SH3RF3: variants seen among roughly 807,000 people sequenced by gnomAD.
SH3RF3 encodes the protein SH3 domain containing ring finger 3.
A neutral mutation model predicts 66.3 loss-of-function variants in SH3RF3; 29 were observed. The ratio of observed to expected loss-of-function variants is 0.44; its 90% CI spans 0.33 to 0.60. SH3RF3 has a LOEUF of 0.60. Ranked by LOEUF, SH3RF3 falls within the 20% of genes least tolerant of loss-of-function variation. SH3RF3 has a pLI of 0.04. For synonymous variants in SH3RF3, 583 were observed against 532.0 expected (o/e 1.10, Z -1.32); for missense variants, 1,194 against 1,190.9 (o/e 1.00, Z -0.04).
chr2:109,180,705 C>T (rs1263404132), intron 1 of SH3RF3, among the ~76,000 whole-genome samples: 1 of 152,208 alleles, frequency 6.6e-6, no homozygotes, highest in Non-Finnish European at 1.5e-5. Flanking sequence ...CTCCTCCTTT[C>T]CTTCCACCAC....
At chr2:109,236,128 A>G (rs1374591027) in intron 1 of SH3RF3, among the ~76,000 whole-genome samples, 1 of 152,196 alleles carries the variant, frequency 6.6e-6, no homozygotes, top group East Asian at 1.9e-4. Flanking sequence ...TCCAAGATCA[A>G]TAGTTTATTT....
chr2:109,304,027 G>A (rs189641970), intron 1 of SH3RF3, among the ~76,000 whole-genome samples: 174 of 151,900 alleles, frequency 1.1e-3, no homozygotes, highest in Non-Finnish European at 1.6e-3. Flanking sequence ...CTTGAACCTG[G>A]AAAGCAGAGG....
intron 1 of SH3RF3, among the ~76,000 whole-genome samples, chr2:109,216,763 A>AT (rs1461803059): frequency 6.6e-6 from 1 of 152,338 alleles, no homozygotes; most frequent in East Asian, 1.9e-4. Flanking sequence ...ATACAAATAT[A>AT]TTTTTTTAAA....
chr2:109,182,373 G>A (rs963668715), intron 1 of SH3RF3, among the ~76,000 whole-genome samples: 5 of 152,164 alleles, frequency 3.3e-5, no homozygotes, highest in African/African-American at 1.2e-4. Context: ...ACTTAGGAAG[G>A]TGAAGCCCTC....
intron 4 of SH3RF3, among the ~76,000 whole-genome samples, chr2:109,418,773 C>G (rs991896410): frequency 2.8e-4 from 43 of 152,202 alleles, no homozygotes; most frequent in Non-Finnish European, 5.6e-4. Context: ...TGCCTCTGAA[C>G]AGGAAGACAG....
chr2:109,412,391 T>C (rs13028045), intron 4 of SH3RF3, among the ~76,000 whole-genome samples: 1 of 152,064 alleles, frequency 6.6e-6, no homozygotes, highest in Admixed American at 6.5e-5. Flanking sequence ...TGGCTGTGCT[T>C]TGCTTGTGCT....
chr2:109,350,327 A>T (rs1682812455), intron 2 of SH3RF3, among the ~76,000 whole-genome samples: 1 of 152,122 alleles, frequency 6.6e-6, no homozygotes, highest in African/African-American at 2.4e-5. Flanking sequence ...CTGTTACAGG[A>T]TCTGTGACGG....
At chr2:109,443,682 A>T (rs1005213836) in intron 7 of SH3RF3, among the ~76,000 whole-genome samples, 3 of 152,220 alleles carry the variant, frequency 2.0e-5, no homozygotes, top group Non-Finnish European at 2.9e-5. Context: ...TAAAGGGGTC[A>T]GTTCATTTAG....
At chr2:109,439,217 C>G (rs893021530) in intron 7 of SH3RF3, among the ~76,000 whole-genome samples, 1 of 152,140 alleles carries the variant, frequency 6.6e-6, no homozygotes, top group Non-Finnish European at 1.5e-5. Context: ...GAGGGTGCCA[C>G]GAGCATTCTC....
intron 8 of SH3RF3, among the ~76,000 whole-genome samples, chr2:109,482,901 A>C (rs1446220784): frequency 2.6e-5 from 4 of 152,090 alleles, no homozygotes; most frequent in Admixed American, 2.0e-4. Flanking sequence ...TCATGAACCA[A>C]TTTTCTTTAT....
At position 109,318,509 on chromosome 2, in the gene SH3RF3, G is replaced by A. The variant is rs112729723; in HGVS notation, c.574-29165G>A. ...ACTGAATCATAGCACAATCATTTTG[G>A]CGACCGTGGGATAAACGCTGTGAGA... On this transcript the variant is annotated intron_variant, in intron 1 of 9. Coordinates refer to ENST00000309415, the MANE Select transcript of SH3RF3 (RefSeq NM_001099289.3). Among the ~76,000 whole-genome samples the A allele has an allele frequency of 6.0e-3, 910 of 152,298 alleles. 8 individuals carry two copies. Among genetic ancestry groups the A allele is most frequent in the African/African-American group, 0.021 (882 of 41,562 alleles).
In SH3RF3 at chr2:109,449,309, C is replaced by G; in HGVS notation, c.1968C>G (p.Pro656=). Residue 656 remains proline (P), a synonymous_variant, in exon 8 of 10, where the codon CCC becomes CCG. Transcript: ENST00000309415. The stretch of plus-strand genomic sequence containing the variant: ...TGTCCCCGCAGCACAGCCACCAGCC[C>G]CCGGTGCAGATGTGCCCACGGCCGG... The part of the protein sequence containing the change: ...SVVSPQHSHQ[P]PVQMCPRPAI... 6.2e-7 allele frequency: 1 copy of G among 1,608,316 alleles called. No individual in the cohort carries two copies. The highest frequency in any genetic ancestry group is 8.5e-7 in the Non-Finnish European group (1 of 1,177,232).
At chr2:109,453,325 C>A (rs1677941299) in intron 8 of SH3RF3, among the ~76,000 whole-genome samples, 1 of 150,732 alleles carries the variant, frequency 6.6e-6, no homozygotes, top group Admixed American at 6.6e-5. Flanking sequence ...CAGTAGAACT[C>A]AAATCTGGTT....
At chr2:109,292,332 T>C (rs1055348162) in intron 1 of SH3RF3, among the ~76,000 whole-genome samples, 6 of 152,238 alleles carry the variant, frequency 3.9e-5, no homozygotes, top group African/African-American at 2.4e-5. Context: ...GTTCCACATA[T>C]GTGTTTGTTT....
intron 2 of SH3RF3, among the ~76,000 whole-genome samples, chr2:109,355,417 G>T (rs1682929014): frequency 6.6e-6 from 1 of 152,174 alleles, no homozygotes; most frequent in African/African-American, 2.4e-5. Flanking sequence ...ACCAAATCCT[G>T]CCTGCCAACT....
chr2:109,240,978 A>G (rs901463467), intron 1 of SH3RF3, among the ~76,000 whole-genome samples: 1 of 151,926 alleles, frequency 6.6e-6, no homozygotes, highest in Admixed American at 6.6e-5. Context: ...AAACAAGTCC[A>G]CATCTCCCCA....
chr2:109,278,935 T>A (rs1427405908), intron 1 of SH3RF3, among the ~76,000 whole-genome samples: 2 of 152,204 alleles, frequency 1.3e-5, no homozygotes, highest in Non-Finnish European at 2.9e-5. Flanking sequence ...TCCGTGAGAA[T>A]GTCTACTTTG....
intron 5 of SH3RF3, among the ~76,000 whole-genome samples, chr2:109,427,798 A>G (rs1025648035): frequency 6.6e-6 from 1 of 152,218 alleles, no homozygotes; most frequent in African/African-American, 2.4e-5. Flanking sequence ...GGGAGAACCG[A>G]GCAGTTTCTG....
intron 2 of SH3RF3, among the ~76,000 whole-genome samples, chr2:109,370,488 C>T (rs1022820929): frequency 6.6e-6 from 1 of 152,144 alleles, no homozygotes; most frequent in African/African-American, 2.4e-5. Context: ...GATCACCCGC[C>T]TCGACCTCCC....
Sources: allele counts gnomAD v4.1 joint callset (sites outside exome capture counted in the v4.1 genomes callset), GRCh38; gene constraint gnomAD v4.1.1; transcripts MANE v1.5; gene names NCBI Gene and HGNC (gene_info 2026-07-23, HGNC 2026-07-21).